The following ARHGAP24 variants were observed in gnomAD, a reference collection of about 807,000 sequenced individuals.
ARHGAP24 encodes Rho GTPase activating protein 24, also known as rho GTPase-activating protein 24.
Under a neutral mutation model 76.4 loss-of-function variants are expected in ARHGAP24, and 50 were observed. The ratio of observed to expected loss-of-function variants is 0.65; its 90% CI spans 0.52 to 0.83. The LOEUF (loss-of-function observed/expected upper bound fraction) is 0.83. Among genes scored for constraint, ARHGAP24 ranks in the 40% least tolerant of loss-of-function variants. The probability of loss-of-function intolerance (pLI) is 0.00; values close to 1 mark genes in which losing one functional copy is unlikely to be tolerated. For missense variants in ARHGAP24, 930 were observed against 914.2 expected (o/e 1.02, Z -0.22); for synonymous variants, 345 against 323.3 (o/e 1.07, Z -0.72).
At chr4:85,584,545 A>G (rs1003269276) in intron 2 of ARHGAP24, among the ~76,000 whole-genome samples, 2 of 152,082 alleles carry the variant, frequency 1.3e-5, no homozygotes, top group Admixed American at 6.6e-5. Context: ...TACATATGTA[A>G]CTAACCTGCA....
intron 4 of ARHGAP24, chr4:85,930,762 G>A: frequency 2.2e-6 from 3 of 1,392,342 alleles, no homozygotes; most frequent in Middle Eastern, 5.3e-4. Flanking sequence ...TAAATGAGAG[G>A]TGGTAACTTA....
chr4:85,634,996 C>A (rs1309290876), intron 2 of ARHGAP24, among the ~76,000 whole-genome samples: 2 of 151,876 alleles, frequency 1.3e-5, no homozygotes, highest in Non-Finnish European at 2.9e-5. Context: ...TGGAGAACCC[C>A]ATCTGTACTT....
chr4:85,511,765 G>A (rs1051441179), intron 1 of ARHGAP24, among the ~76,000 whole-genome samples: 4 of 152,122 alleles, frequency 2.6e-5, no homozygotes, highest in East Asian at 1.9e-4. Flanking sequence ...CCGCCTGGCC[G>A]AAATTCACTG....
intron 3 of ARHGAP24, among the ~76,000 whole-genome samples, chr4:85,858,451 C>T (rs529123277): frequency 6.6e-6 from 1 of 152,192 alleles, no homozygotes; most frequent in East Asian, 1.9e-4. Flanking sequence ...CCATAGGTAA[C>T]GTGATGTATT....
chr4:85,920,576 C>A (rs1735665575), intron 3 of ARHGAP24, among the ~76,000 whole-genome samples: 1 of 152,062 alleles, frequency 6.6e-6, no homozygotes, highest in Non-Finnish European at 1.5e-5. Context: ...AAGAAACTAC[C>A]AACAGAGTGA....
At chr4:85,515,274 A>G (rs1042944110) in intron 1 of ARHGAP24, among the ~76,000 whole-genome samples, 7 of 151,996 alleles carry the variant, frequency 4.6e-5, no homozygotes, top group African/African-American at 1.4e-4. Flanking sequence ...CATCATTTAC[A>G]TGGGATAAAA....
At chr4:85,979,309 C>T (rs1399141118) in intron 8 of ARHGAP24, among the ~76,000 whole-genome samples, 2 of 152,042 alleles carry the variant, frequency 1.3e-5, no homozygotes, top group Admixed American at 6.6e-5. Context: ...GTTTTTTCAA[C>T]TCGTTATTGT....
Position 85,814,629 on chromosome 4 carries a change from C to T in ARHGAP24, c.268+92657C>T, listed in dbSNP as rs542431881. On this transcript the variant is annotated intron_variant, in intron 3 of 9. Coordinates refer to ENST00000395184, the MANE Select transcript of ARHGAP24 (RefSeq NM_001025616.3). The stretch of plus-strand genomic sequence containing the variant: ...TCCCAGGGTCTTGGGCAGCTCCACC[C>T]CTATGGCTTTTCAGGGTACAGCCTC... Among the ~76,000 whole-genome samples the T allele has an allele frequency of 1.0e-3, 157 of 152,256 alleles. 1 individual carries two copies. In the Middle Eastern group the frequency reaches 0.017, roughly 16 times the overall value.
At chr4:85,948,284 C>T (rs1355777326) in intron 5 of ARHGAP24, among the ~76,000 whole-genome samples, 2 of 152,076 alleles carry the variant, frequency 1.3e-5, no homozygotes, top group Non-Finnish European at 2.9e-5. Context: ...TGTCAATAGG[C>T]TCCTCATAAT....
At chr4:85,905,805 G>A (rs530937179) in intron 3 of ARHGAP24, among the ~76,000 whole-genome samples, 27 of 152,070 alleles carry the variant, frequency 1.8e-4, no homozygotes, top group African/African-American at 6.5e-4. Context: ...ATGATGCAAG[G>A]CAAAAAAAAC....
chr4:85,942,433 A>T, intron 5 of ARHGAP24, 160 bp downstream of exon 5: 1 of 860,946 alleles, frequency 1.2e-6, no homozygotes, highest in Non-Finnish European at 1.8e-6. Flanking sequence ...TAAGTTACAA[A>T]GTCAAAAATT....
At chr4:85,971,917 G>A (rs1739007318) in intron 5 of ARHGAP24, 119 bp from the exon 6 acceptor site, 2 of 1,439,334 alleles carry the variant, frequency 1.4e-6, no homozygotes, top group African/African-American at 1.4e-5. Flanking sequence ...CTGAAAACTG[G>A]GTTGATTCAT....
chr4:85,822,639 T>C (rs1729525893), intron 3 of ARHGAP24, among the ~76,000 whole-genome samples: 1 of 152,208 alleles, frequency 6.6e-6, no homozygotes, highest in South Asian at 2.1e-4. Flanking sequence ...TAGAAGACAA[T>C]ACATTTTCTT....
At chr4:85,828,464 C>G (rs1465258845) in intron 3 of ARHGAP24, among the ~76,000 whole-genome samples, 1 of 150,620 alleles carries the variant, frequency 6.6e-6, no homozygotes, top group African/African-American at 2.4e-5. Context: ...TGTGTAATTG[C>G]TTGTCAAAAT....
At chr4:85,483,441 G>A (rs938636542) in intron 1 of ARHGAP24, among the ~76,000 whole-genome samples, 9 of 151,890 alleles carry the variant, frequency 5.9e-5, no homozygotes, top group African/African-American at 1.9e-4. Context: ...GCGAAACTCC[G>A]TCTCTACTAT....
At chr4:85,959,560 AT>A (rs1738122686) in intron 5 of ARHGAP24, among the ~76,000 whole-genome samples, 1 of 152,122 alleles carries the variant, frequency 6.6e-6, no homozygotes, top group Admixed American at 6.5e-5. Context: ...GAAGAGTTGA[AT>A]TTCATTTTGT....
intron 3 of ARHGAP24, among the ~76,000 whole-genome samples, chr4:85,776,164 T>C (rs1284644593): frequency 3.7e-4 from 56 of 152,110 alleles, no homozygotes; most frequent in Admixed American, 3.7e-3. Context: ...CTCTCTGGGA[T>C]TTCTTAGTAA....
intron 2 of ARHGAP24, among the ~76,000 whole-genome samples, chr4:85,720,729 T>G (rs1724899391): frequency 6.6e-6 from 1 of 152,074 alleles, no homozygotes; most frequent in Non-Finnish European, 1.5e-5. Flanking sequence ...ACTCTAATAT[T>G]TAAAGGTCAA....
chr4:85,676,812 A>C (rs1722995809), intron 2 of ARHGAP24, among the ~76,000 whole-genome samples: 1 of 152,228 alleles, frequency 6.6e-6, no homozygotes. Flanking sequence ...AATATACTGC[A>C]CTTTAATTCT....
Sources: allele counts gnomAD v4.1 joint callset (sites outside exome capture counted in the v4.1 genomes callset), GRCh38; gene constraint gnomAD v4.1.1; transcripts MANE v1.5; gene names NCBI Gene and HGNC (gene_info 2026-07-23, HGNC 2026-07-21).